TGFBR1: variants seen among roughly 807,000 people sequenced by gnomAD.
The protein encoded by TGFBR1 is TGF-beta receptor type-1.
Under a neutral mutation model 55.1 loss-of-function variants are expected in TGFBR1, and 20 were observed. That is an observed-to-expected ratio of 0.36 (90% CI 0.26 to 0.53). The LOEUF (loss-of-function observed/expected upper bound fraction) is 0.53. Among genes scored for constraint, TGFBR1 ranks in the 20% least tolerant of loss-of-function variants. TGFBR1 has a pLI of 0.91. For synonymous variants in TGFBR1, 220 were observed against 214.8 expected (o/e 1.02, Z -0.21); for missense variants, 385 against 617.6 (o/e 0.62, Z 3.99).
chr9:99,103,776 G>A (rs962019679), upstream of TGFBR1, among the ~76,000 whole-genome samples: 1 of 152,152 alleles, frequency 6.6e-6, no homozygotes, highest in African/African-American at 2.4e-5. Context: ...AAAGCGCGCG[G>A]GTCTCAGATC....
At chr9:99,132,035 T>G (rs1365314854) in intron 2 of TGFBR1, among the ~76,000 whole-genome samples, 2 of 152,010 alleles carry the variant, frequency 1.3e-5, no homozygotes, top group African/African-American at 4.8e-5. Flanking sequence ...GATGAAGATG[T>G]ATGTGGTTTT....
At chr9:99,131,890 C>T (rs1827237030) in intron 2 of TGFBR1, among the ~76,000 whole-genome samples, 1 of 151,880 alleles carries the variant, frequency 6.6e-6, no homozygotes, top group Admixed American at 6.6e-5. Flanking sequence ...ATCGCTTGAA[C>T]CCGGGAGGCG....
At chr9:99,147,296 A>G (rs562192483) in intron 7 of TGFBR1, among the ~76,000 whole-genome samples, 43 of 152,354 alleles carry the variant, frequency 2.8e-4, no homozygotes, top group African/African-American at 1.0e-3. Flanking sequence ...CTGATAGGGT[A>G]TATATATCCC....
chr9:99,130,726 T>G (rs561041137), intron 2 of TGFBR1, among the ~76,000 whole-genome samples: 1 of 152,262 alleles, frequency 6.6e-6, no homozygotes, highest in Admixed American at 6.5e-5. Flanking sequence ...CTGAACTAGA[T>G]AGATTAGATG....
intron 6 of TGFBR1, 113 bp from the exon 7 acceptor site, chr9:99,146,372 T>C: frequency 8.1e-7 from 1 of 1,228,830 alleles, no homozygotes; most frequent in Admixed American, 1.7e-5. Flanking sequence ...TAATATTTGT[T>C]ATGTAATATT....
chr9:99,116,040 T>C (rs1267245083), intron 1 of TGFBR1, among the ~76,000 whole-genome samples: 1 of 152,150 alleles, frequency 6.6e-6, no homozygotes, highest in East Asian at 1.9e-4. Flanking sequence ...CTTTCCATTA[T>C]TTTGCTTTCC....
intron 1 of TGFBR1, among the ~76,000 whole-genome samples, chr9:99,105,541 C>T (rs1210382566): frequency 1.3e-5 from 2 of 150,982 alleles, no homozygotes; most frequent in Non-Finnish European, 3.0e-5. Flanking sequence ...TCCGGCTGCC[C>T]GAGGCCGCCC....
At chr9:99,107,274 CTTT>C (rs1410208127) in intron 1 of TGFBR1, among the ~76,000 whole-genome samples, 1 of 152,198 alleles carries the variant, frequency 6.6e-6, no homozygotes, top group Admixed American at 6.5e-5. Context: ...AGGTCAAATG[CTTT>C]TTATTTCCTC....
intron 3 of TGFBR1, among the ~76,000 whole-genome samples, chr9:99,134,835 T>TAG (rs1827380538): frequency 8.4e-6 from 1 of 118,918 alleles, no homozygotes; most frequent in Non-Finnish European, 1.8e-5. Context: ...TATATATATA[T>TAG]ATATATATAT....
chr9:99,128,499 A>T (rs865825821), intron 1 of TGFBR1, among the ~76,000 whole-genome samples: 1 of 148,620 alleles, frequency 6.7e-6, no homozygotes, highest in East Asian at 1.9e-4. Context: ...AAAAAAAAAA[A>T]GTATAACCAT....
At chr9:99,135,449 CAT>C (rs1827404053) in intron 3 of TGFBR1, among the ~76,000 whole-genome samples, 1 of 152,192 alleles carries the variant, frequency 6.6e-6, no homozygotes, top group African/African-American at 2.4e-5. Context: ...ATTCTGAATT[CAT>C]ATGTTTATTA....
At chr9:99,119,434 C>T (rs1387202703) in intron 1 of TGFBR1, among the ~76,000 whole-genome samples, 3 of 152,152 alleles carry the variant, frequency 2.0e-5, no homozygotes, top group Non-Finnish European at 2.9e-5. Context: ...TTGAAATTTT[C>T]GGTTTTGTCC....
chr9:99,153,262 A>C lies in TGFBR1; in HGVS notation c.*3957A>C, dbSNP rs1014163695. 3.2e-5 allele frequency: 7 copies of C among 221,308 alleles called. No homozygotes were observed. The highest frequency in any genetic ancestry group is 6.3e-5 in the Non-Finnish European group (7 of 110,304). 13.7% of individuals were successfully genotyped at this position (221,308 alleles called of 1,614,324 possible). A position where few individuals can be genotyped will look rare whatever the true frequency, so the allele number is the denominator to read the frequency against. ...TCCAGGTTTGCAGTTTTATTTCTAT[A>C]AAGTATGGGTATTATGTTGCTCAGT... On this transcript the variant is annotated 3_prime_UTR_variant, in exon 9 of 9. Coordinates refer to ENST00000374994, the MANE Select transcript of TGFBR1 (RefSeq NM_004612.4).
intron 1 of TGFBR1, among the ~76,000 whole-genome samples, chr9:99,126,538 G>A (rs1226123999): frequency 6.6e-6 from 1 of 152,180 alleles, no homozygotes; most frequent in Non-Finnish European, 1.5e-5. Context: ...GAGGATTTAG[G>A]AGAGAATTAT....
At chr9:99,144,200 T>C (rs1827719568) in intron 5 of TGFBR1, among the ~76,000 whole-genome samples, 1 of 152,250 alleles carries the variant, frequency 6.6e-6, no homozygotes, top group African/African-American at 2.4e-5. Flanking sequence ...ATTTAATGGT[T>C]TGAAGAACTG....
intron 1 of TGFBR1, among the ~76,000 whole-genome samples, chr9:99,122,077 T>C (rs544768776): frequency 6.6e-6 from 1 of 152,172 alleles, no homozygotes; most frequent in East Asian, 1.9e-4. Flanking sequence ...AATATTGAAT[T>C]TGACCAGAAG....
chr9:99,118,154 AT>A (rs1468868495), intron 1 of TGFBR1, among the ~76,000 whole-genome samples: 2 of 151,824 alleles, frequency 1.3e-5, no homozygotes, highest in Admixed American at 1.3e-4. Flanking sequence ...TTTTAATTTA[AT>A]TTTTTTTGGT....
In TGFBR1 at chr9:99,152,466, A is replaced by G. The variant is rs997094252; in HGVS notation, c.*3161A>G. The G allele has an allele frequency of 3.5e-5, 8 of 230,282 alleles. No individual in the cohort carries two copies. In the Admixed American group the frequency reaches 4.5e-4, roughly 13 times the overall value. The allele number at this position is 230,282 out of a possible 1,614,324, so 14.3% of individuals were successfully genotyped here. Reference sequence around the variant, plus strand: ...TTGGTGTACAGTGCCATGGCCATCAAGAATCCCAGATTTCAGGTTTTATTA... The same window carrying G: ...TTGGTGTACAGTGCCATGGCCATCAGGAATCCCAGATTTCAGGTTTTATTA... On this transcript the variant is annotated 3_prime_UTR_variant, in exon 9 of 9. Transcript: ENST00000374994.
chr9:99,131,892 C>T (rs181665276), intron 2 of TGFBR1, among the ~76,000 whole-genome samples: 272 of 151,436 alleles, frequency 1.8e-3, no homozygotes, highest in Middle Eastern at 3.4e-3. Context: ...CGCTTGAACC[C>T]GGGAGGCGGA....
Sources: gnomAD v4.1 joint callset for allele counts (sites outside exome capture counted in the v4.1 genomes callset) on GRCh38, gnomAD v4.1.1 for gene constraint, MANE v1.5 for transcripts, NCBI Gene and HGNC (gene_info 2026-07-23, HGNC 2026-07-21) for gene names.